The following ARL9 variants were observed in gnomAD, a reference collection of about 807,000 sequenced individuals.
ARL9 encodes the protein ARF like GTPase 9, also known as ADP-ribosylation factor-like protein 9.
A neutral mutation model predicts 27.0 loss-of-function variants in ARL9; 14 were observed. That is an observed-to-expected ratio of 0.52 (90% CI 0.34 to 0.81). ARL9 has a LOEUF of 0.81. Among genes scored for constraint, ARL9 ranks in the 30% least tolerant of loss-of-function variants. ARL9 has a pLI of 0.01. For synonymous variants in ARL9, 106 were observed against 108.7 expected (o/e 0.98, Z 0.15); for missense variants, 294 against 290.0 (o/e 1.01, Z -0.10).
At chr4:56,517,473 G>A (rs944749905) in intron 2 of ARL9, among the ~76,000 whole-genome samples, 12 of 152,126 alleles carry the variant, frequency 7.9e-5, no homozygotes, top group African/African-American at 2.4e-4. Context: ...TAGACAATAT[G>A]TTGTATATAT....
intron 2 of ARL9, among the ~76,000 whole-genome samples, chr4:56,512,252 C>A (rs1361525805): frequency 1.3e-5 from 2 of 152,202 alleles, no homozygotes; most frequent in African/African-American, 4.8e-5. Flanking sequence ...TATTTTAACA[C>A]ATACTTTTAA....
rs1721477302 is a variant in ARL9 at position 56,506,789 on chromosome 4, TGTGTGTGTGTGTG to T, written c.279+649_279+661del. ...CAATTATGAATGATTAACACAGTTG[TGTGTGTGTGTGTG>T]TGTGTGTGTGTGTGTGTGTGTGTGT... On this transcript the variant is annotated intron_variant, in intron 1 of 3. Transcript: ENST00000640821. The T allele has an allele frequency of 2.5e-4, 39 of 153,196 alleles. 1 individual carries two copies. Among genetic ancestry groups the T allele is most frequent in the Non-Finnish European group, 3.7e-4 (31 of 84,696 alleles). 9.5% of individuals were successfully genotyped at this position (153,196 alleles called of 1,614,324 possible).
chr4:56,513,051 C>T (rs1253852258), intron 2 of ARL9, among the ~76,000 whole-genome samples: 3 of 152,192 alleles, frequency 2.0e-5, no homozygotes, highest in Non-Finnish European at 2.9e-5. Context: ...ACTGTGTTCC[C>T]GATTTTTATC....
chr4:56,517,040 G>C (rs1721785118), intron 2 of ARL9, among the ~76,000 whole-genome samples: 1 of 152,170 alleles, frequency 6.6e-6, no homozygotes, highest in Non-Finnish European at 1.5e-5. Flanking sequence ...AAAACAATTT[G>C]GTGTATTTGG....
rs202126461 is a variant in ARL9 at position 56,507,965 on chromosome 4, CA to C, written c.279+1842del. Among the ~76,000 whole-genome samples, 1,102 of 122,942 alleles carry C rather than the reference CA, an allele frequency of 9.0e-3. 13 individuals carry two copies. The highest frequency in any genetic ancestry group is 0.052 in the East Asian group (235 of 4,518). 80.7% of individuals were successfully genotyped at this position (122,942 alleles called of 152,430 possible). On this transcript the variant is annotated intron_variant, in intron 1 of 3. Coordinates refer to ENST00000640821, the MANE Select transcript of ARL9 (RefSeq NM_001363794.2). ...CACTCCACAGAGAGAGATTCTGTAT[CA>C]AAAAAAAAAAAAAAAAATTCTCCCA...
At chr4:56,506,664 G>C (rs544565100) in intron 1 of ARL9, 1 of 985,426 alleles carries the variant, frequency 1.0e-6, no homozygotes, top group African/African-American at 1.7e-5. Flanking sequence ...TAACTGACAG[G>C]TCTTAGAAAC....
intron 2 of ARL9, among the ~76,000 whole-genome samples, chr4:56,516,729 A>G (rs1721778197): frequency 6.6e-6 from 1 of 152,150 alleles, no homozygotes. Flanking sequence ...TCAAGGGTTC[A>G]AGACCAGCCT....
At chr4:56,521,217 CAAAAAA>C (rs57537197) in intron 3 of ARL9, among the ~76,000 whole-genome samples, 6 of 94,876 alleles carry the variant, frequency 6.3e-5, no homozygotes, top group African/African-American at 2.1e-4. Context: ...CCCCAAAAAA[CAAAAAA>C]AAAAAAAAAA....
intron 1 of ARL9, among the ~76,000 whole-genome samples, chr4:56,509,053 T>G (rs1275395676): frequency 6.6e-6 from 1 of 152,180 alleles, no homozygotes; most frequent in Non-Finnish European, 1.5e-5. Flanking sequence ...TATTTATTAT[T>G]GTTTATGTTA....
intron 1 of ARL9, chr4:56,506,502 A>G: frequency 3.6e-6 from 2 of 551,162 alleles, no homozygotes; most frequent in Non-Finnish European, 4.6e-6. Flanking sequence ...CACATTTAGA[A>G]ACCAGCCCCG....
intron 3 of ARL9, among the ~76,000 whole-genome samples, chr4:56,519,467 G>A (rs541270570): frequency 3.3e-5 from 5 of 152,068 alleles, no homozygotes. Flanking sequence ...AAGATTAGCC[G>A]GGCTTAGTGG....
chr4:56,506,670 G>A (rs1193948217), intron 1 of ARL9: 1 of 985,312 alleles, frequency 1.0e-6, no homozygotes, highest in Admixed American at 6.1e-5. Context: ...ACAGGTCTTA[G>A]AAACTTGGCA....
chr4:56,511,111 T>A (rs1202133457), intron 1 of ARL9, 74 bp from the exon 2 acceptor site: 14 of 1,353,762 alleles, frequency 1.0e-5, no homozygotes, highest in Non-Finnish European at 1.4e-5. Context: ...AAGAATATTA[T>A]TGGATTCTGC....
intron 2 of ARL9, among the ~76,000 whole-genome samples, chr4:56,514,601 CAT>C (rs1393934935): frequency 2.2e-4 from 34 of 152,270 alleles, no homozygotes; most frequent in Non-Finnish European, 3.7e-4. Flanking sequence ...ATCCTCCAAA[CAT>C]GTGTCTTAGG....
rs1018843222 is a variant in ARL9, at chr4:56,506,097, G to C, written c.235G>C (p.Glu79Gln). The change falls in exon 1 of 4, where the codon GAG becomes CAG. Residue 79 changes from glutamate (E) to glutamine (Q), a missense_variant. Transcript: ENST00000640821. ...EQFKGQEEKG[E>Q]NKDSTLTRTP... ...ATTTAAGGGACAAGAAGAGAAAGGG[G>C]AGAACAAGGACAGCACCTTGACAAG... The C allele has an allele frequency of 3.2e-6, 4 of 1,234,162 alleles. No homozygotes were observed. Among genetic ancestry groups the C allele is most frequent in the Non-Finnish European group, 4.0e-6 (4 of 989,546 alleles). The allele number at this position is 1,234,162 out of a possible 1,614,324, so 76.5% of individuals were successfully genotyped here. A position where few individuals can be genotyped will look rare whatever the true frequency, so the allele number is the denominator to read the frequency against.
At chr4:56,519,311 C>CAAAAG (rs1301157816) in intron 3 of ARL9, among the ~76,000 whole-genome samples, 1 of 151,956 alleles carries the variant, frequency 6.6e-6, no homozygotes, top group African/African-American at 2.4e-5. Context: ...CATGGTTCCG[C>CAAAAG]AAAAGAATCA....
chr4:56,523,286 G>A (rs1427882418), intron 3 of ARL9, among the ~76,000 whole-genome samples: 1 of 152,200 alleles, frequency 6.6e-6, no homozygotes, highest in Non-Finnish European at 1.5e-5. Context: ...CTACTCAGGA[G>A]GGTGAGGCAG....
rs1334154170 is a variant in ARL9 at position 56,505,832 on chromosome 4, G to C, written c.-31G>C. 7.8e-7 allele frequency: 1 copy of C among 1,280,070 alleles called. No individual in the cohort carries two copies. Among genetic ancestry groups the C allele is most frequent in the South Asian group, 2.9e-5 (1 of 34,588 alleles). The allele number at this position is 1,280,070 out of a possible 1,614,324, so 79.3% of individuals were successfully genotyped here. A position where few individuals can be genotyped will look rare whatever the true frequency, so the allele number is the denominator to read the frequency against. The stretch of plus-strand genomic sequence containing the variant: ...GCCACCGCTCAGCACGCGGGCACGC[G>C]GCGGGAGGGAAGGAAACCGCGGCGC... On this transcript the variant is annotated 5_prime_UTR_variant, in exon 1 of 4. Coordinates refer to ENST00000640821, the MANE Select transcript of ARL9 (RefSeq NM_001363794.2).
At chr4:56,507,932 T>C (rs1266046709) in intron 1 of ARL9, among the ~76,000 whole-genome samples, 2 of 147,196 alleles carry the variant, frequency 1.4e-5, no homozygotes, top group African/African-American at 5.0e-5. Context: ...GCCAAGATCG[T>C]GCCACTGCAC....
Sources: gnomAD v4.1 joint callset for allele counts (sites outside exome capture counted in the v4.1 genomes callset) on GRCh38, gnomAD v4.1.1 for gene constraint, MANE v1.5 for transcripts, NCBI Gene and HGNC (gene_info 2026-07-23, HGNC 2026-07-21) for gene names.